The following NHSL2 variants were observed in gnomAD, a reference collection of about 807,000 sequenced individuals.
NHSL2 encodes the protein NHS like 2.
NHSL2 carries 27 observed loss-of-function variants against 53.4 expected under a neutral mutation model. The observed-to-expected ratio is 0.51, with a 90% CI of 0.37 to 0.70. NHSL2 has a LOEUF of 0.70. Among genes scored for constraint, NHSL2 ranks in the 30% least tolerant of loss-of-function variants. NHSL2 has a pLI of 0.00. For missense variants in NHSL2, 892 were observed against 980.1 expected (o/e 0.91, Z 1.20); for synonymous variants, 408 against 404.1 (o/e 1.01, Z -0.12).
intron 1 of NHSL2, among the ~76,000 whole-genome samples, chrX:71,978,039 C>T (rs184183643): frequency 1.8e-5 from 2 of 111,108 alleles, no homozygotes; most frequent in East Asian, 5.7e-4. Context: ...CCTCAATTGT[C>T]TCATGTGTAA....
chrX:72,033,259 T>C (rs943272156), intron 1 of NHSL2, among the ~76,000 whole-genome samples: 6 of 106,030 alleles, frequency 5.7e-5, no homozygotes, highest in African/African-American at 2.1e-4. Context: ...CAATCTTGGC[T>C]CACTGCAACC....
At chrX:72,034,048 G>A (rs2042229092) in intron 1 of NHSL2, among the ~76,000 whole-genome samples, 1 of 111,554 alleles carries the variant, frequency 9.0e-6, no homozygotes, top group Admixed American at 9.5e-5. Context: ...GTTTTGTTTT[G>A]TTCTTTAATA....
At chrX:72,136,272 A>T (rs915780241) in intron 4 of NHSL2, among the ~76,000 whole-genome samples, 1 of 111,722 alleles carries the variant, frequency 9.0e-6, no homozygotes. Context: ...GCTCTAAAAA[A>T]TTTTTTTAAT....
At chrX:72,130,611 TTTTC>T in intron 1 of NHSL2, 6 of 1,211,734 alleles carry the variant, frequency 5.0e-6, no homozygotes, top group Non-Finnish European at 6.7e-6. Flanking sequence ...GAACGCGCAC[TTTTC>T]TTTCTATCTC....
intron 1 of NHSL2, among the ~76,000 whole-genome samples, chrX:71,930,412 T>A (rs1464983354): frequency 8.9e-6 from 1 of 112,671 alleles, no homozygotes; most frequent in Non-Finnish European, 1.9e-5. Flanking sequence ...ACATACCATT[T>A]AATTCCCCCA....
chrX:72,000,427 T>C, intron 1 of NHSL2, among the ~76,000 whole-genome samples: 1 of 112,237 alleles, frequency 8.9e-6, no homozygotes, highest in East Asian at 2.8e-4. Context: ...CAAAGCCAAT[T>C]GTATTAGTAT....
chrX:72,065,073 C>T (rs1050135281), intron 1 of NHSL2, among the ~76,000 whole-genome samples: 3 of 111,225 alleles, frequency 2.7e-5, no homozygotes, highest in African/African-American at 6.6e-5. Context: ...TGGATGTGCA[C>T]CTTGATGAGT....
intron 1 of NHSL2, among the ~76,000 whole-genome samples, chrX:72,106,399 A>G (rs1314718674): frequency 8.9e-6 from 1 of 112,102 alleles, no homozygotes; most frequent in Non-Finnish European, 1.9e-5. Flanking sequence ...AGTGCAGCTT[A>G]AAAATAAATA....
At chrX:71,951,021 C>CACAT (rs2041818552) in intron 1 of NHSL2, among the ~76,000 whole-genome samples, 1 of 109,279 alleles carries the variant, frequency 9.2e-6, no homozygotes, top group Non-Finnish European at 1.9e-5. Context: ...CACACACACA[C>CACAT]ACACACACAC....
At chrX:72,047,949 A>AGGGC (rs1231348559) in intron 1 of NHSL2, among the ~76,000 whole-genome samples, 1 of 110,185 alleles carries the variant, frequency 9.1e-6, no homozygotes, top group Non-Finnish European at 1.9e-5. Context: ...CCTTCTTGGT[A>AGGGC]GGGCCTCCAT....
At chrX:72,112,611 T>G (rs1456397087) in intron 1 of NHSL2, among the ~76,000 whole-genome samples, 2 of 112,491 alleles carry the variant, frequency 1.8e-5, no homozygotes, top group Non-Finnish European at 3.8e-5. Context: ...ATATAATGTG[T>G]GGCCTTTTGT....
At chrX:72,050,191 C>T (rs141842439) in intron 1 of NHSL2, among the ~76,000 whole-genome samples, 1,441 of 110,706 alleles carry the variant, frequency 0.013, 13 homozygotes, top group Middle Eastern at 0.032. Flanking sequence ...GGCAAGAGTT[C>T]CAAATCATTG....
intron 1 of NHSL2, among the ~76,000 whole-genome samples, chrX:72,007,959 G>A (rs1335151488): frequency 3.5e-5 from 4 of 112,775 alleles, no homozygotes; most frequent in African/African-American, 1.3e-4. Flanking sequence ...GTTTCCAGCT[G>A]GGTGCCTTTG....
At chrX:72,131,135 A>G in intron 1 of NHSL2, 1 of 1,184,794 alleles carries the variant, frequency 8.4e-7, no homozygotes, top group Non-Finnish European at 1.1e-6. Context: ...GGTTCCTTTG[A>G]CGCGGGCGGA....
chrX:72,064,641 A>G (rs2042417356), intron 1 of NHSL2, among the ~76,000 whole-genome samples: 1 of 111,873 alleles, frequency 8.9e-6, no homozygotes, highest in African/African-American at 3.3e-5. Flanking sequence ...ACAGAGGGGT[A>G]CAGCCAGTGA....
chrX:72,109,896 C>T (rs1022480901), intron 1 of NHSL2, among the ~76,000 whole-genome samples: 1 of 111,993 alleles, frequency 8.9e-6, no homozygotes, highest in African/African-American at 3.3e-5. Flanking sequence ...TTGTTAAACA[C>T]CCTGGTTGTT....
At chrX:72,090,378 T>A (rs1007126259) in intron 1 of NHSL2, among the ~76,000 whole-genome samples, 2 of 111,860 alleles carry the variant, frequency 1.8e-5, no homozygotes, top group Non-Finnish European at 3.8e-5. Flanking sequence ...TCTTTTTACA[T>A]AAATGGAATT....
intron 1 of NHSL2, among the ~76,000 whole-genome samples, chrX:71,969,343 C>T (rs1363946888): frequency 1.2e-4 from 10 of 85,363 alleles, no homozygotes; most frequent in Admixed American, 3.0e-4. Context: ...GAGACAGTCT[C>T]GCTCTGTTGC....
chrX:72,036,770 G>C (rs375181399), intron 1 of NHSL2, among the ~76,000 whole-genome samples: 1 of 111,435 alleles, frequency 9.0e-6, no homozygotes, highest in Non-Finnish European at 1.9e-5. Flanking sequence ...TCTTTCTGCT[G>C]TTGAGCCCAT....
Sources: allele counts gnomAD v4.1 joint callset (sites outside exome capture counted in the v4.1 genomes callset), GRCh38; gene constraint gnomAD v4.1.1; transcripts MANE v1.5; gene names NCBI Gene and HGNC (gene_info 2026-07-23, HGNC 2026-07-21).